Variants in FHIT observed in about 807,000 individuals in gnomAD.
The protein encoded by FHIT is bis(5'-adenosyl)-triphosphatase.
Under a neutral mutation model 17.9 loss-of-function variants are expected in FHIT, and 19 were observed. The ratio of observed to expected loss-of-function variants is 1.06; its 90% confidence interval spans 0.74 to 1.56. The LOEUF (loss-of-function observed/expected upper bound fraction) is 1.56. Ranked by LOEUF, FHIT falls within the 40% of genes most tolerant of loss-of-function variation. The pLI is 0.00. For missense variants in FHIT, 248 were observed against 189.2 expected (o/e 1.31, Z -1.82); for synonymous variants, 81 against 69.7 (o/e 1.16, Z -0.81).
chr3:60,629,037 C>T (rs553966100), intron 4 of FHIT, among the ~76,000 whole-genome samples: 6 of 152,062 alleles, frequency 3.9e-5, no homozygotes, highest in South Asian at 2.1e-4. Flanking sequence ...CTCCCATACC[C>T]GGGGTAGAAC....
intron 2 of FHIT, among the ~76,000 whole-genome samples, chr3:61,110,286 C>A (rs2036118968): frequency 6.6e-6 from 1 of 152,120 alleles, no homozygotes; most frequent in African/African-American, 2.4e-5. Context: ...ATCCCAAGAC[C>A]TTTTCCCTTG....
chr3:61,176,754 C>T (rs7631101), intron 2 of FHIT, among the ~76,000 whole-genome samples: 69,683 of 151,994 alleles, frequency 0.46, 16,889 homozygotes, highest in East Asian at 0.87. Flanking sequence ...GCTGATGAAG[C>T]TTAAACTTCA....
At chr3:60,160,789 T>G (rs962546679) in intron 5 of FHIT, among the ~76,000 whole-genome samples, 1 of 151,340 alleles carries the variant, frequency 6.6e-6, no homozygotes, top group South Asian at 2.1e-4. Context: ...AAAACAGAGC[T>G]GAATGAGAGT....
At chr3:60,942,213 T>G (rs781951447) in intron 3 of FHIT, among the ~76,000 whole-genome samples, 3 of 152,170 alleles carry the variant, frequency 2.0e-5, no homozygotes, top group Non-Finnish European at 4.4e-5. Context: ...AGTTATTTTT[T>G]TTACTGATTT....
At chr3:60,462,322 G>A (rs1228215544) in intron 5 of FHIT, among the ~76,000 whole-genome samples, 1 of 152,190 alleles carries the variant, frequency 6.6e-6, no homozygotes, top group African/African-American at 2.4e-5. Context: ...CTGAGGCACA[G>A]AGTTGGCAAG....
chr3:59,868,712 C>T (rs566305006), intron 8 of FHIT, among the ~76,000 whole-genome samples: 1 of 152,262 alleles, frequency 6.6e-6, no homozygotes, highest in East Asian at 1.9e-4. Flanking sequence ...ATTTGCTTCT[C>T]TGGGTATTGG....
chr3:60,468,006 A>G (rs182435229), intron 5 of FHIT, among the ~76,000 whole-genome samples: 6 of 152,208 alleles, frequency 3.9e-5, no homozygotes, highest in East Asian at 3.9e-4. Flanking sequence ...TACAATTGTT[A>G]TATCTCTTGC....
At chr3:60,995,514 T>C (rs1224943289) in intron 3 of FHIT, among the ~76,000 whole-genome samples, 1 of 152,092 alleles carries the variant, frequency 6.6e-6, no homozygotes, top group African/African-American at 2.4e-5. Flanking sequence ...CTTCATGCTG[T>C]AGGAACACAG....
chr3:60,435,242 T>C (rs1286557361), intron 5 of FHIT, among the ~76,000 whole-genome samples: 3 of 152,096 alleles, frequency 2.0e-5, no homozygotes, highest in Non-Finnish European at 4.4e-5. Context: ...TTACAGACAT[T>C]TGTAATAGAA....
At chr3:60,801,653 T>G (rs1267486995) in intron 4 of FHIT, among the ~76,000 whole-genome samples, 2 of 152,332 alleles carry the variant, frequency 1.3e-5, no homozygotes, top group Admixed American at 1.3e-4. Context: ...AAATGAAAAT[T>G]AACTTATTAA....
chr3:60,789,133 TAG>T (rs1575526615), intron 4 of FHIT, among the ~76,000 whole-genome samples: 1 of 141,390 alleles, frequency 7.1e-6, no homozygotes, highest in African/African-American at 2.8e-5. Context: ...TATGTATATA[TAG>T]AGAGAGATGT....
intron 8 of FHIT, among the ~76,000 whole-genome samples, chr3:59,854,889 G>A (rs1006170421): frequency 5.9e-5 from 9 of 152,096 alleles, no homozygotes; most frequent in African/African-American, 7.2e-5. Context: ...TTTATCCAAC[G>A]GCACATCCCT....
At chr3:61,108,121 A>G (rs1334438282) in intron 2 of FHIT, among the ~76,000 whole-genome samples, 1 of 152,192 alleles carries the variant, frequency 6.6e-6, no homozygotes, top group Admixed American at 6.5e-5. Context: ...AATTAGGGAT[A>G]TTAAGCATTT....
intron 2 of FHIT, among the ~76,000 whole-genome samples, chr3:61,152,219 T>C (rs1163462535): frequency 6.6e-6 from 1 of 152,082 alleles, no homozygotes; most frequent in East Asian, 1.9e-4. Flanking sequence ...GGAAAGTAGA[T>C]CAGGGAGATA....
intron 4 of FHIT, among the ~76,000 whole-genome samples, chr3:60,747,447 G>C (rs1273820201): frequency 6.6e-6 from 1 of 151,960 alleles, no homozygotes; most frequent in African/African-American, 2.4e-5. Context: ...CCAGCCCCTA[G>C]CACACCATGA....
intron 5 of FHIT, among the ~76,000 whole-genome samples, chr3:60,206,439 T>G (rs146378220): frequency 6.6e-6 from 1 of 152,270 alleles, no homozygotes; most frequent in African/African-American, 2.4e-5. Flanking sequence ...TGGGTAGATG[T>G]TGACTTTCCC....
At chr3:60,061,821 T>C (rs2106929083) in intron 5 of FHIT, among the ~76,000 whole-genome samples, 1 of 152,232 alleles carries the variant, frequency 6.6e-6, no homozygotes, top group South Asian at 2.1e-4. Flanking sequence ...GACAAGGGAA[T>C]CATACAGAAG....
intron 5 of FHIT, among the ~76,000 whole-genome samples, chr3:60,020,332 A>C (rs915083107): frequency 6.6e-6 from 1 of 152,230 alleles, no homozygotes; most frequent in African/African-American, 2.4e-5. Context: ...GTACTGATTC[A>C]GATGATTAAT....
chr3:60,603,811 T>C (rs1296761652), intron 4 of FHIT, among the ~76,000 whole-genome samples: 1 of 152,088 alleles, frequency 6.6e-6, no homozygotes, highest in African/African-American at 2.4e-5. Flanking sequence ...AATAACACTA[T>C]AAGGCTCTGT....
Sources: allele counts gnomAD v4.1 joint callset (sites outside exome capture counted in the v4.1 genomes callset), GRCh38; gene constraint gnomAD v4.1.1; transcripts MANE v1.5; gene names NCBI Gene and HGNC (gene_info 2026-07-23, HGNC 2026-07-21).